The following VPS13D variants were observed in gnomAD, a reference collection of about 807,000 sequenced individuals.
The protein encoded by VPS13D is intermembrane lipid transfer protein VPS13D.
In VPS13D, 187 loss-of-function variants were observed where a neutral mutation model predicts 461.9. That is an observed-to-expected ratio of 0.40 (90% CI 0.36 to 0.46). VPS13D has a LOEUF of 0.46. VPS13D is among the 20% of genes least tolerant of loss of function. VPS13D has a pLI of 0.60. For missense variants in VPS13D, 4,711 were observed against 5,364.9 expected, an observed-to-expected ratio of 0.88 and a Z score of 3.81; for synonymous variants, 1,951 against 1,986.3, an observed-to-expected ratio of 0.98 and a Z score of 0.47.
chr1:12,415,934 T>C (rs1332666966), intron 64 of VPS13D, among the ~76,000 whole-genome samples: 1 of 152,024 alleles, frequency 6.6e-6, no homozygotes, highest in East Asian at 1.9e-4. Flanking sequence ...ATCCGAGTAC[T>C]TGGTGGGAGG....
intron 13 of VPS13D, among the ~76,000 whole-genome samples, chr1:12,265,256 A>G (rs1255616892): frequency 6.6e-6 from 1 of 152,128 alleles, no homozygotes; most frequent in Non-Finnish European, 1.5e-5. Context: ...TCTGCAGCCC[A>G]TGGATCCAGG....
intron 65 of VPS13D, among the ~76,000 whole-genome samples, chr1:12,447,817 C>A (rs371552785): frequency 2.6e-5 from 4 of 152,150 alleles, no homozygotes; most frequent in Non-Finnish European, 5.9e-5. Flanking sequence ...GGAAGGAGAT[C>A]ATCTTGAGCT....
In VPS13D at chr1:12,293,714, C is replaced by G; in HGVS notation, c.6033+10C>G. On this transcript the variant is annotated intron_variant, in intron 24 of 69. Transcript: ENST00000620676. ...TATTGAGGGGCAGACGGTAGGTAGC[C>G]TGGGCCCTCCAAGCTGCTTTTCCAG... The G allele has an allele frequency of 6.2e-7, 1 of 1,610,522 alleles. No individual in the cohort carries two copies. The highest frequency in any genetic ancestry group is 1.7e-4 in the Middle Eastern group (1 of 5,998).
intron 40 of VPS13D, among the ~76,000 whole-genome samples, chr1:12,339,342 T>C (rs55881970): frequency 0.093 from 14,142 of 152,274 alleles, 891 homozygotes; most frequent in Middle Eastern, 0.15. Flanking sequence ...AGTATTTTAA[T>C]CTGCTTCTTA....
chr1:12,335,067 C>T (rs961610412), intron 38 of VPS13D, among the ~76,000 whole-genome samples: 13 of 152,188 alleles, frequency 8.5e-5, no homozygotes, highest in Non-Finnish European at 1.3e-4. Context: ...AATTCTCTCA[C>T]AGAAGTAAAA....
chr1:12,278,053 T>C lies in VPS13D; in HGVS notation c.4450+15T>C, dbSNP rs780055085. 1 of 1,588,156 alleles carries C rather than the reference T, an allele frequency of 6.3e-7. No homozygotes were observed. The highest frequency in any genetic ancestry group is 1.4e-5 in the African/African-American group (1 of 73,636). On this transcript the variant is annotated intron_variant, in intron 19 of 69. Coordinates refer to ENST00000620676, the MANE Select transcript of VPS13D (RefSeq NM_015378.4). ...TAGAGGTCAAGGTGAGGAGCATCAG[T>C]CTTTTGTTCTATTTTGTTTAATGAT...
chr1:12,302,932 T>A (rs919685817), intron 25 of VPS13D, among the ~76,000 whole-genome samples: 1 of 152,118 alleles, frequency 6.6e-6, no homozygotes, highest in East Asian at 1.9e-4. Flanking sequence ...TACCAGTGAT[T>A]GTTCTGTAGA....
At chr1:12,404,866 C>A (rs1203213799) in intron 63 of VPS13D, among the ~76,000 whole-genome samples, 1 of 152,074 alleles carries the variant, frequency 6.6e-6, no homozygotes, top group African/African-American at 2.4e-5. Flanking sequence ...AAAGTCAGCC[C>A]CCTGCAGCTT....
chr1:12,279,664 A>G lies in VPS13D; in HGVS notation c.4602+14A>G, dbSNP rs1641718931. On this transcript the variant is annotated intron_variant, in intron 20 of 69. Transcript: ENST00000620676. This position sits in a 1 kb window ranked among gnomAD's most constrained non-coding sequence, Gnocchi z 4.3. ...AATCCAGTTCAGGTAAATTCATGTCAGGGCAGTTGAAGTCATATGTTTATA... is the reference window on the plus strand; with the variant it reads ...AATCCAGTTCAGGTAAATTCATGTCGGGGCAGTTGAAGTCATATGTTTATA... The G allele has an allele frequency of 6.2e-7, 1 of 1,602,668 alleles. No individual in the cohort carries two copies. Among genetic ancestry groups the G allele is most frequent in the South Asian group, 1.1e-5 (1 of 89,804 alleles).
rs192275787 is a variant in VPS13D at position 12,382,959 on chromosome 1, A to C, written c.11191-17A>C. The stretch of plus-strand genomic sequence containing the variant: ...CCTCTGTCTTTTCTCACATGTCTCT[A>C]CTCCAATGTCTTTTAGGCCAAAGGA... On this transcript the variant is annotated splice_polypyrimidine_tract_variant and intron_variant, in intron 57 of 69. Transcript: ENST00000620676. 6 of 1,608,226 alleles carry C rather than the reference A, an allele frequency of 3.7e-6. No individual in the cohort carries two copies. The Admixed American group carries it at 6.8e-5, about 18-fold the overall frequency.
chr1:12,232,634 AGTCT>A (rs1640014673), intron 1 of VPS13D, among the ~76,000 whole-genome samples: 1 of 125,962 alleles, frequency 7.9e-6, no homozygotes, highest in African/African-American at 3.2e-5. Context: ...TACTAAAATT[AGTCT>A]TTTTTTTTTT....
intron 60 of VPS13D, among the ~76,000 whole-genome samples, chr1:12,389,128 G>C (rs920877204): frequency 6.6e-6 from 1 of 152,224 alleles, no homozygotes; most frequent in African/African-American, 2.4e-5. Context: ...CATCCAGCAT[G>C]GGAGAAAGAT....
At chr1:12,476,797 A>G (rs902244819) in intron 67 of VPS13D, among the ~76,000 whole-genome samples, 17 of 152,200 alleles carry the variant, frequency 1.1e-4, no homozygotes, top group Admixed American at 1.1e-3. Context: ...CCTCCTCTCT[A>G]CCCTGCCTCC....
chr1:12,379,859 C>T (rs1269174637), intron 57 of VPS13D, among the ~76,000 whole-genome samples: 2 of 151,768 alleles, frequency 1.3e-5, no homozygotes, highest in African/African-American at 2.4e-5. Context: ...AGCTCCGCCT[C>T]CCGGGTTCAC....
intron 2 of VPS13D, among the ~76,000 whole-genome samples, chr1:12,239,214 C>T (rs1640265463): frequency 6.6e-6 from 1 of 152,070 alleles, no homozygotes; most frequent in African/African-American, 2.4e-5. Context: ...AGGTTCACTG[C>T]ACCCTCAACC....
intron 9 of VPS13D, 97 bp from the exon 10 acceptor site, chr1:12,257,838 T>G: frequency 7.1e-7 from 1 of 1,402,622 alleles, no homozygotes; most frequent in Admixed American, 1.9e-5. Context: ...AAAAGATGTC[T>G]CAGGAGAGGA....
Position 12,333,382 on chromosome 1 carries a change from T to C in VPS13D, c.8428+16T>C, listed in dbSNP as rs946925468. 5.6e-6 allele frequency: 9 copies of C among 1,613,574 alleles called. No homozygotes were observed. Among genetic ancestry groups the C allele is most frequent in the African/African-American group, 1.3e-5 (1 of 74,910 alleles). ...GTGCTAATTGGTGAGTAGAAAGTTGTCTTTCATAGACTGATACCTTTCCGT... is the reference window on the plus strand; with the variant it reads ...GTGCTAATTGGTGAGTAGAAAGTTGCCTTTCATAGACTGATACCTTTCCGT... On this transcript the variant is annotated intron_variant, in intron 38 of 69. Coordinates refer to ENST00000620676, the MANE Select transcript of VPS13D (RefSeq NM_015378.4).
At chr1:12,410,670 A>G (rs1281793830) in intron 63 of VPS13D, among the ~76,000 whole-genome samples, 4 of 152,184 alleles carry the variant, frequency 2.6e-5, no homozygotes, top group Non-Finnish European at 4.4e-5. Flanking sequence ...AAATTATCAA[A>G]TAATAAGGGA....
chr1:12,500,163 G>T (rs1257943857), intron 68 of VPS13D: 1 of 984,708 alleles, frequency 1.0e-6, no homozygotes, highest in African/African-American at 1.7e-5. Context: ...AGATCGAGTT[G>T]CATTTAATTT....
Sources: allele counts gnomAD v4.1 joint callset (sites outside exome capture counted in the v4.1 genomes callset), GRCh38; gene constraint gnomAD v4.1.1; non-coding constraint Gnocchi (gnomAD v3.1); transcripts MANE v1.5; gene names NCBI Gene and HGNC (gene_info 2026-07-23, HGNC 2026-07-21).